The following CDC5L variants were observed in gnomAD, a reference collection of about 807,000 sequenced individuals.
CDC5L encodes cell division cycle 5-like protein.
CDC5L carries 18 observed loss-of-function variants against 104.1 expected under a neutral mutation model. That is an observed-to-expected ratio of 0.17 (90% confidence interval 0.12 to 0.26). The LOEUF (loss-of-function observed/expected upper bound fraction) is 0.26. Ranked by LOEUF, CDC5L falls within the 10% of genes least tolerant of loss-of-function variation. The pLI is 1.00. For synonymous variants in CDC5L, 331 were observed against 322.7 expected, an observed-to-expected ratio of 1.03 and a Z score of -0.28; for missense variants, 673 against 956.9, an observed-to-expected ratio of 0.70 and a Z score of 3.91.
chr6:44,409,247 CTT>C (rs1276722977), intron 8 of CDC5L, among the ~76,000 whole-genome samples: 3 of 152,212 alleles, frequency 2.0e-5, no homozygotes, highest in African/African-American at 7.2e-5. Context: ...TGTTACAACT[CTT>C]TGTTTTACTT....
intron 14 of CDC5L, among the ~76,000 whole-genome samples, chr6:44,432,306 A>G (rs920066959): frequency 6.6e-6 from 1 of 152,214 alleles, no homozygotes; most frequent in Non-Finnish European, 1.5e-5. Flanking sequence ...CTCCAGTTAT[A>G]TTGTATAAAC....
chr6:44,401,643 T>A (rs7449717), intron 5 of CDC5L, among the ~76,000 whole-genome samples: 40 of 152,066 alleles, frequency 2.6e-4, no homozygotes, highest in Admixed American at 2.2e-3. Flanking sequence ...TTCTCTTTTT[T>A]AAATTTAATT....
Position 44,449,038 on chromosome 6 carries a change from T to A in CDC5L, c.*2327T>A, listed in dbSNP as rs1051110916. On this transcript the variant is annotated 3_prime_UTR_variant, in exon 16 of 16. Transcript: ENST00000371477. The stretch of plus-strand genomic sequence containing the variant: ...TTTGCACTCCTGGAATCAGGTAGAT[T>A]AATTTTTAAAAGAAATTTTAAAGGA... The A allele has an allele frequency of 6.6e-6, 1 of 152,254 alleles. No homozygotes were observed. The highest frequency in any genetic ancestry group is 2.4e-5 in the African/African-American group (1 of 41,476). 9.4% of individuals were successfully genotyped at this position (152,254 alleles called of 1,614,324 possible). A position where few individuals can be genotyped will look rare whatever the true frequency, so the allele number is the denominator to read the frequency against.
At chr6:44,404,106 A>G in intron 6 of CDC5L, 79 bp downstream of exon 6, 1 of 866,746 alleles carries the variant, frequency 1.2e-6, no homozygotes, top group Non-Finnish European at 1.7e-6. Flanking sequence ...TATCCTTGTC[A>G]GAGCCAGATT....
chr6:44,392,611 A>G, intron 2 of CDC5L, 56 bp from the exon 3 acceptor site: 1 of 1,510,798 alleles, frequency 6.6e-7, no homozygotes, highest in Non-Finnish European at 9.1e-7. Flanking sequence ...CATTGTGCAA[A>G]TTGGATATTT....
At chr6:44,438,732 G>T (rs78372022) in intron 14 of CDC5L, among the ~76,000 whole-genome samples, 2 of 142,024 alleles carry the variant, frequency 1.4e-5, no homozygotes, top group Non-Finnish European at 3.0e-5. Context: ...AACTTAGAAA[G>T]TACTGCTTTT....
chr6:44,415,699 G>C (rs1791878117), intron 8 of CDC5L, among the ~76,000 whole-genome samples: 1 of 152,138 alleles, frequency 6.6e-6, no homozygotes, highest in Non-Finnish European at 1.5e-5. Context: ...CATTCTGTCT[G>C]TCCTGCTGGC....
At chr6:44,443,065 G>T (rs1793280324) in intron 14 of CDC5L, among the ~76,000 whole-genome samples, 2 of 148,994 alleles carry the variant, frequency 1.3e-5, no homozygotes, top group South Asian at 2.2e-4. Flanking sequence ...CTCCTCTCCT[G>T]CCCTGTCCTG....
chr6:44,416,337 G>A (rs1791906012), intron 8 of CDC5L, among the ~76,000 whole-genome samples: 1 of 152,182 alleles, frequency 6.6e-6, no homozygotes, highest in African/African-American at 2.4e-5. Flanking sequence ...AAGTCTGGAG[G>A]GTTGTTGACT....
intron 15 of CDC5L, among the ~76,000 whole-genome samples, chr6:44,446,159 T>G (rs1356947929): frequency 6.6e-6 from 1 of 152,232 alleles, no homozygotes; most frequent in Non-Finnish European, 1.5e-5. Context: ...TGAAACTTAA[T>G]TGCATCCCAT....
At position 44,419,427 on chromosome 6, in the gene CDC5L, T is replaced by C; in HGVS notation, c.1093-22T>C. 4 of 1,612,434 alleles carry C rather than the reference T, an allele frequency of 2.5e-6. No individual in the cohort carries two copies. The South Asian group carries it at 3.3e-5, about 13-fold the overall frequency. ...GTCTGTCTAAACTTTTAAACTTGCT[T>C]CTTTGTCTTCTTGTTAATCAGGAAG... is the stretch of plus-strand genomic sequence containing the variant. On this transcript the variant is annotated intron_variant, in intron 8 of 15. Transcript: ENST00000371477.
chr6:44,408,772 A>C, intron 8 of CDC5L, 140 bp downstream of exon 8: 1 of 483,022 alleles, frequency 2.1e-6, no homozygotes, highest in East Asian at 3.3e-5. Flanking sequence ...TAGATCTTGC[A>C]ATATTTCTGT....
At position 44,448,730 on chromosome 6, in the gene CDC5L, T is replaced by C. The variant is rs1216240799; in HGVS notation, c.*2019T>C. The stretch of plus-strand genomic sequence containing the variant: ...TTTATTTCACTTTTATTGCATGTTT[T>C]GTTATCTGAAATGTTTAGGACAATG... On this transcript the variant is annotated 3_prime_UTR_variant, in exon 16 of 16. Transcript: ENST00000371477. 6.6e-6 allele frequency: 1 copy of C among 152,220 alleles called. No individual in the cohort carries two copies. Among genetic ancestry groups the C allele is most frequent in the Non-Finnish European group, 1.5e-5 (1 of 68,026 alleles). The allele number at this position is 152,220 out of a possible 1,614,324, so 9.4% of individuals were successfully genotyped here. A position where few individuals can be genotyped will look rare whatever the true frequency, so the allele number is the denominator to read the frequency against.
At chr6:44,412,983 C>T (rs960759680) in intron 8 of CDC5L, among the ~76,000 whole-genome samples, 3 of 151,344 alleles carry the variant, frequency 2.0e-5, no homozygotes, top group Non-Finnish European at 2.9e-5. Context: ...GGGGTTTCAC[C>T]GTTTTAGCTG....
chr6:44,404,324 G>C (rs1791265009), intron 6 of CDC5L, among the ~76,000 whole-genome samples: 1 of 151,448 alleles, frequency 6.6e-6, no homozygotes, highest in African/African-American at 2.4e-5. Flanking sequence ...TTTTTTTATT[G>C]TTTTGTAGGG....
In CDC5L at chr6:44,399,006, C is replaced by A. The variant is rs931996142; in HGVS notation, c.539+2566C>A. On this transcript the variant is annotated intron_variant, in intron 5 of 15. Transcript: ENST00000371477. ...TTTAAGAGAGGGTCTTTCTCTGTTGCCTAGGCTTTAGTGCAGAGTTCACTG... is the reference window on the plus strand; with the variant it reads ...TTTAAGAGAGGGTCTTTCTCTGTTGACTAGGCTTTAGTGCAGAGTTCACTG... Among the ~76,000 whole-genome samples, 23 of 152,296 alleles carry A rather than the reference C, an allele frequency of 1.5e-4. No homozygotes were observed. In the South Asian group the frequency reaches 2.1e-3, roughly 14 times the overall value.
chr6:44,419,072 C>T (rs1487378262), intron 8 of CDC5L, among the ~76,000 whole-genome samples: 1 of 151,954 alleles, frequency 6.6e-6, no homozygotes, highest in East Asian at 1.9e-4. Flanking sequence ...AAGTCCTTGC[C>T]CATGCCTATG....
chr6:44,409,125 A>C (rs1791515679), intron 8 of CDC5L, among the ~76,000 whole-genome samples: 1 of 152,182 alleles, frequency 6.6e-6, no homozygotes, highest in South Asian at 2.1e-4. Flanking sequence ...CTTACATCTC[A>C]TTTCCTCATC....
Position 44,419,738 on chromosome 6 carries a change from A to G in CDC5L, c.1241+141A>G, listed in dbSNP as rs574638886. 157 of 678,438 alleles carry G rather than the reference A, an allele frequency of 2.3e-4. No homozygotes were observed. The African/African-American group carries it at 2.7e-3, about 12-fold the overall frequency. The allele number at this position is 678,438 out of a possible 1,614,324, so 42.0% of individuals were successfully genotyped here. A position where few individuals can be genotyped will look rare whatever the true frequency, so the allele number is the denominator to read the frequency against. On this transcript the variant is annotated intron_variant, in intron 9 of 15. Transcript: ENST00000371477. ...GATTTCTTCTTCATAGTAATAAATA[A>G]TAGTGTCCAGGAAATGGTTAAATAC...
Sources: gnomAD v4.1 joint callset for allele counts (sites outside exome capture counted in the v4.1 genomes callset) on GRCh38, gnomAD v4.1.1 for gene constraint, MANE v1.5 for transcripts, NCBI Gene and HGNC (gene_info 2026-07-23, HGNC 2026-07-21) for gene names.